Variants in MCPH1 observed in about 807,000 individuals in gnomAD.
The protein encoded by MCPH1 is microcephalin.
In MCPH1, 104 loss-of-function variants were observed where a neutral mutation model predicts 84.5. The ratio of observed to expected loss-of-function variants is 1.23; its 90% CI spans 1.05 to 1.45. MCPH1 has a LOEUF of 1.45. Ranked by LOEUF, MCPH1 falls within the 40% of genes most tolerant of loss-of-function variation. MCPH1 has a pLI of 0.00. For synonymous variants in MCPH1, 514 were observed against 366.8 expected (o/e 1.40, Z -4.58); for missense variants, 1,498 against 1,005.7 (o/e 1.49, Z -6.62).
At chr8:6,438,036 A>T (rs894895) in intron 5 of MCPH1, among the ~76,000 whole-genome samples, 103,377 of 152,082 alleles carry the variant, frequency 0.68, 38,655 homozygotes, top group East Asian at 0.82. Context: ...CCTGTATTTA[A>T]CATATCCTCC....
At chr8:6,632,490 T>TA (rs1426968783) in intron 13 of MCPH1, among the ~76,000 whole-genome samples, 1 of 152,158 alleles carries the variant, frequency 6.6e-6, no homozygotes, top group Admixed American at 6.5e-5. Context: ...AATACTGGTT[T>TA]AAAAAACTCA....
Position 6,530,508 on chromosome 8 carries a change from CAAAAAAA to C in MCPH1, c.2214+30596_2214+30602del, listed in dbSNP as rs55729820. Among the ~76,000 whole-genome samples the C allele has an allele frequency of 4.2e-4, 41 of 98,034 alleles. 1 individual carries two copies. The highest frequency in any genetic ancestry group is 7.0e-3 in the Middle Eastern group (1 of 142). The allele number at this position is 98,034 out of a possible 152,430, so 64.3% of individuals were successfully genotyped here. A position where few individuals can be genotyped will look rare whatever the true frequency, so the allele number is the denominator to read the frequency against. ...TGGGCAATGCAGTGAGACTCTGTCT[CAAAAAAA>C]AAAAAAAAAAAAAAAAGTAATGGCA... On this transcript the variant is annotated intron_variant, in intron 12 of 13. Transcript: ENST00000344683.
intron 11 of MCPH1, among the ~76,000 whole-genome samples, chr8:6,483,469 C>A (rs901490928): frequency 2.6e-5 from 4 of 152,208 alleles, no homozygotes; most frequent in African/African-American, 7.2e-5. Flanking sequence ...TTGGTGGACA[C>A]ACAGAACAGA....
At chr8:6,621,924 C>A (rs1237607132) in intron 13 of MCPH1, among the ~76,000 whole-genome samples, 1 of 152,226 alleles carries the variant, frequency 6.6e-6, no homozygotes, top group Admixed American at 6.5e-5. Context: ...TGGACTTCCC[C>A]ACTTGACTTC....
chr8:6,508,835 C>G (rs771686299), intron 12 of MCPH1: 8 of 1,525,834 alleles, frequency 5.2e-6, no homozygotes, highest in Non-Finnish European at 6.3e-6. Context: ...TTGTGGACAT[C>G]GTTACAAATC....
At chr8:6,516,735 C>T (rs2916725) in intron 12 of MCPH1, among the ~76,000 whole-genome samples, 54,982 of 152,070 alleles carry the variant, frequency 0.36, 10,135 homozygotes, top group Middle Eastern at 0.48. Flanking sequence ...AAAGCATTGA[C>T]GTGGCTCTTG....
intron 3 of MCPH1, among the ~76,000 whole-genome samples, chr8:6,429,066 C>T (rs889105772): frequency 1.3e-5 from 2 of 152,248 alleles, no homozygotes; most frequent in African/African-American, 4.8e-5. Flanking sequence ...TGCATGGACA[C>T]ATTCATGTGC....
intron 12 of MCPH1, among the ~76,000 whole-genome samples, chr8:6,535,564 T>C (rs1243936458): frequency 6.6e-6 from 1 of 152,228 alleles, no homozygotes; most frequent in African/African-American, 2.4e-5. Context: ...ATGATGTGTG[T>C]ATATACAGAT....
chr8:6,639,817 A>G (rs1486861096), intron 13 of MCPH1, among the ~76,000 whole-genome samples: 1 of 152,154 alleles, frequency 6.6e-6, no homozygotes, highest in Non-Finnish European at 1.5e-5. Context: ...AGCTTAACAC[A>G]TATACAGCTA....
intron 1 of MCPH1, among the ~76,000 whole-genome samples, chr8:6,407,684 C>T (rs988012186): frequency 2.0e-5 from 3 of 152,072 alleles, no homozygotes; most frequent in Non-Finnish European, 2.9e-5. Context: ...GTTAAATTAA[C>T]CTGGTTTTCT....
intron 6 of MCPH1, among the ~76,000 whole-genome samples, chr8:6,440,023 G>A (rs1030484229): frequency 4.6e-5 from 7 of 152,188 alleles, no homozygotes; most frequent in African/African-American, 1.7e-4. Context: ...ACCTAAATTA[G>A]ATAATGACAT....
In MCPH1 at chr8:6,643,084, G is replaced by A. The variant is rs1395327248; in HGVS notation, c.*35G>A. On this transcript the variant is annotated 3_prime_UTR_variant, in exon 14 of 14. Transcript: ENST00000344683. ...CACTGGCCTGTGGTGACTGCACACA[G>A]CTCGCAAAACTGTCTTTGGATGTTC... The A allele has an allele frequency of 8.8e-6, 14 of 1,583,308 alleles. No individual in the cohort carries two copies. The highest frequency in any genetic ancestry group is 1.2e-5 in the Non-Finnish European group (14 of 1,152,480).
At chr8:6,428,956 T>G (rs1380945937) in intron 3 of MCPH1, among the ~76,000 whole-genome samples, 1 of 152,218 alleles carries the variant, frequency 6.6e-6, no homozygotes, top group Non-Finnish European at 1.5e-5. Flanking sequence ...TTTTTCAGTT[T>G]CAGGTATTAT....
intron 12 of MCPH1, among the ~76,000 whole-genome samples, chr8:6,603,320 G>A (rs755972782): frequency 4.6e-5 from 7 of 152,078 alleles, no homozygotes; most frequent in Non-Finnish European, 8.8e-5. Context: ...AATGGCAATG[G>A]AATGCATAGG....
chr8:6,455,719 C>T (rs1009986295), intron 9 of MCPH1, among the ~76,000 whole-genome samples: 1 of 152,208 alleles, frequency 6.6e-6, no homozygotes, highest in Non-Finnish European at 1.5e-5. Flanking sequence ...CTTGCTCTTC[C>T]TCTGAAAGAC....
At chr8:6,433,049 T>C (rs958935874) in intron 4 of MCPH1, among the ~76,000 whole-genome samples, 1 of 152,212 alleles carries the variant, frequency 6.6e-6, no homozygotes, top group Non-Finnish European at 1.5e-5. Flanking sequence ...GGCTCTGCTA[T>C]CTTATGTGTA....
intron 12 of MCPH1, chr8:6,619,077 G>T (rs1283535365): frequency 6.6e-6 from 1 of 152,194 alleles, no homozygotes; most frequent in Admixed American, 6.5e-5. Context: ...GGCCAGCTGT[G>T]CCATGCTTAG....
intron 11 of MCPH1, 192 bp from the exon 12 acceptor site, chr8:6,499,660 A>G (rs376110421): frequency 1.6e-5 from 9 of 556,268 alleles, no homozygotes; most frequent in East Asian, 1.2e-4. Flanking sequence ...CTTTTTCTCA[A>G]TCAACTTTTT....
chr8:6,410,467 A>G (rs1175249466), intron 2 of MCPH1, among the ~76,000 whole-genome samples: 1 of 152,208 alleles, frequency 6.6e-6, no homozygotes, highest in East Asian at 1.9e-4. Flanking sequence ...GAGGAAATGG[A>G]GATAGCAAAC....
Sources: allele counts gnomAD v4.1 joint callset (sites outside exome capture counted in the v4.1 genomes callset), GRCh38; gene constraint gnomAD v4.1.1; transcripts MANE v1.5; gene names NCBI Gene and HGNC (gene_info 2026-07-23, HGNC 2026-07-21).